PACSIN2: variants seen among roughly 807,000 people sequenced by gnomAD.
PACSIN2 encodes protein kinase C and casein kinase substrate in neurons protein 2.
In PACSIN2, 25 loss-of-function variants were observed where a neutral mutation model predicts 63.8. The observed-to-expected ratio is 0.39, with a 90% CI of 0.29 to 0.55. The LOEUF is 0.55. Among genes scored for constraint, PACSIN2 ranks in the 20% least tolerant of loss-of-function variants. PACSIN2 has a pLI of 0.62. For synonymous variants in PACSIN2, 255 were observed against 256.2 expected (o/e 1.00, Z 0.05); for missense variants, 518 against 646.9 (o/e 0.80, Z 2.16).
intron 1 of PACSIN2, among the ~76,000 whole-genome samples, chr22:42,967,243 C>T (rs912104230): frequency 6.6e-6 from 1 of 152,182 alleles, no homozygotes; most frequent in Non-Finnish European, 1.5e-5. Context: ...GCACCTCTGG[C>T]TGTGGCCTCC....
rs1934005681 is a variant in PACSIN2 at position 42,958,527 on chromosome 22, A to AT, written c.-77-46371dup. On this transcript the variant is annotated intron_variant, in intron 1 of 10. Coordinates refer to ENST00000263246, the MANE Select transcript of PACSIN2 (RefSeq NM_001184970.3). ...TGTTTTCATAAATACAGCATTTAAA[A>AT]TTCATGCAGAATTCAGTAGGATGTT... Among the ~76,000 whole-genome samples the AT allele has an allele frequency of 2.0e-5, 3 of 152,354 alleles. No individual in the cohort carries two copies. The South Asian group carries it at 6.2e-4, about 32-fold the overall frequency.
intron 1 of PACSIN2, among the ~76,000 whole-genome samples, chr22:42,952,924 CCA>C (rs1041219303): frequency 1.0e-3 from 156 of 152,238 alleles, no homozygotes; most frequent in African/African-American, 3.6e-3. Context: ...CCTCGGCCTC[CCA>C]CAGTGTTGGG....
At chr22:42,884,980 G>A (rs1929367441) in intron 5 of PACSIN2, among the ~76,000 whole-genome samples, 1 of 152,236 alleles carries the variant, frequency 6.6e-6, no homozygotes, top group Admixed American at 6.5e-5. Context: ...TCCTTTATCA[G>A]ATGAGGACAT....
chr22:42,946,520 A>C (rs1569308752), intron 1 of PACSIN2, among the ~76,000 whole-genome samples: 1 of 152,234 alleles, frequency 6.6e-6, no homozygotes. Context: ...ACTGCACTCC[A>C]GCCTGGGGGA....
At chr22:42,881,112 G>A (rs1010370968) in intron 7 of PACSIN2, among the ~76,000 whole-genome samples, 1 of 152,166 alleles carries the variant, frequency 6.6e-6, no homozygotes, top group Non-Finnish European at 1.5e-5. Context: ...TGGGGCTGGC[G>A]CAGGGGAGTG....
At chr22:43,001,320 C>T (rs1217346114) in intron 1 of PACSIN2, among the ~76,000 whole-genome samples, 5 of 152,216 alleles carry the variant, frequency 3.3e-5, no homozygotes, top group South Asian at 4.1e-4. Flanking sequence ...CTGCCAGAAC[C>T]TTCACCACAC....
rs879565638 is a variant in PACSIN2 at position 43,008,258 on chromosome 22, C to CT, written c.-78+6762dup. 1.6e-3 allele frequency among the ~76,000 whole-genome samples: 240 copies of CT among 149,642 alleles called. 2 individuals are homozygous for CT. Among genetic ancestry groups the CT allele is most frequent in the African/African-American group, 5.2e-3 (213 of 40,994 alleles). ...TGAGGCTCTAAAATTCAGTGGTCTT[C>CT]TTTTTTTTTTGAGACAGAGTCTCAC... On this transcript the variant is annotated intron_variant, in intron 1 of 10. Coordinates refer to ENST00000263246, the MANE Select transcript of PACSIN2 (RefSeq NM_001184970.3).
intron 1 of PACSIN2, among the ~76,000 whole-genome samples, chr22:43,003,683 AT>A (rs1923912074): frequency 6.6e-6 from 1 of 152,238 alleles, no homozygotes; most frequent in African/African-American, 2.4e-5. Flanking sequence ...CGTTGACAAA[AT>A]GTGAAGACCT....
intron 1 of PACSIN2, among the ~76,000 whole-genome samples, chr22:42,936,918 G>C (rs888323696): frequency 2.4e-5 from 3 of 127,248 alleles, no homozygotes; most frequent in Admixed American, 1.5e-4. Context: ...CTCAAAAAAA[G>C]GGGGGGGGGC....
Position 42,876,956 on chromosome 22 carries a change from G to C in PACSIN2, c.1083C>G (p.Tyr361Ter). ...TGTCGTCCTCATCCTCGAAGGGGTTGTAGCTGGACTGTGACTGCGCAGACT... is the reference window on the plus strand; with the variant it reads ...TGTCGTCCTCATCCTCGAAGGGGTTCTAGCTGGACTGTGACTGCGCAGACT... ...PAQSAQSQSS[Y>*]NPFEDEDDTG... Residue 361 changes from tyrosine to a stop codon, truncating the protein, a stop_gained, in exon 9 of 11, where the codon TAC becomes TAG. Transcript: ENST00000263246. LOFTEE classifies it high-confidence loss of function. 6.2e-7 allele frequency: 1 copy of C among 1,614,190 alleles called. No individual in the cohort carries two copies. The highest frequency in any genetic ancestry group is 8.5e-7 in the Non-Finnish European group (1 of 1,180,018).
chr22:42,946,603 G>A (rs778948821), intron 1 of PACSIN2, among the ~76,000 whole-genome samples: 10 of 152,230 alleles, frequency 6.6e-5, no homozygotes, highest in African/African-American at 2.2e-4. Flanking sequence ...CCCACAGCAA[G>A]AAGCCCCAGT....
intron 5 of PACSIN2, among the ~76,000 whole-genome samples, chr22:42,887,370 C>T (rs1929570019): frequency 6.6e-6 from 1 of 152,198 alleles, no homozygotes; most frequent in Admixed American, 6.5e-5. Context: ...TGCTGGATGG[C>T]ACGTGACTTA....
intron 1 of PACSIN2, among the ~76,000 whole-genome samples, chr22:42,942,754 T>C (rs1389929783): frequency 1.3e-5 from 2 of 152,192 alleles, no homozygotes; most frequent in Non-Finnish European, 2.9e-5. Context: ...CTTGACTCTA[T>C]CTCATTTTTC....
chr22:43,014,213 G>C (rs1481371231), intron 1 of PACSIN2, among the ~76,000 whole-genome samples: 1 of 151,980 alleles, frequency 6.6e-6, no homozygotes, highest in East Asian at 1.9e-4. Flanking sequence ...CTGATTCAGT[G>C]AGTCTGGGGA....
intron 1 of PACSIN2, among the ~76,000 whole-genome samples, chr22:42,927,767 A>C (rs1045007705): frequency 2.0e-5 from 3 of 151,594 alleles, no homozygotes; most frequent in Admixed American, 1.3e-4. Context: ...TTGTATTTTT[A>C]GTAGAGATGG....
chr22:42,965,484 C>T (rs1920945473), intron 1 of PACSIN2, among the ~76,000 whole-genome samples: 1 of 152,082 alleles, frequency 6.6e-6, no homozygotes, highest in Non-Finnish European at 1.5e-5. Context: ...GAAGAAAAGC[C>T]CCCAGCAGAA....
At chr22:43,012,154 A>AATACATACATACATAC (rs71311476) in intron 1 of PACSIN2, among the ~76,000 whole-genome samples, 60 of 134,006 alleles carry the variant, frequency 4.5e-4, no homozygotes, top group East Asian at 2.2e-3. Context: ...AAAATAAATA[A>AATACATACATACATAC]ATACATACAT....
At chr22:42,976,943 C>T (rs918934051) in intron 1 of PACSIN2, among the ~76,000 whole-genome samples, 1 of 152,208 alleles carries the variant, frequency 6.6e-6, no homozygotes, top group Non-Finnish European at 1.5e-5. Context: ...CGACACAATA[C>T]CTCATGTTAT....
rs1272142956 is a variant in PACSIN2, at chr22:42,981,083, G to A, written c.-78+33938C>T. Among the ~76,000 whole-genome samples the A allele has an allele frequency of 7.4e-5, 11 of 148,736 alleles. No individual in the cohort carries two copies. The East Asian group carries it at 1.5e-3, about 20-fold the overall frequency. ...CCATCCCATCTAGGAAGTGAGGAAC[G>A]TCTCTGCCCGGCCGCCCATCGTCTG... On this transcript the variant is annotated intron_variant, in intron 1 of 10. Transcript: ENST00000263246.
Sources: gnomAD v4.1 joint callset for allele counts (sites outside exome capture counted in the v4.1 genomes callset) on GRCh38, gnomAD v4.1.1 for gene constraint, MANE v1.5 for transcripts, NCBI Gene and HGNC (gene_info 2026-07-23, HGNC 2026-07-21) for gene names.